The following CNTN4 variants were observed in gnomAD, a reference collection of about 807,000 sequenced individuals.
The protein encoded by CNTN4 is contactin 4.
CNTN4 carries 77 observed loss-of-function variants against 122.5 expected under a neutral mutation model. That is an observed-to-expected ratio of 0.63 (90% CI 0.52 to 0.76). The LOEUF is 0.76. CNTN4 is among the 30% of genes least tolerant of loss of function. The probability of loss-of-function intolerance (pLI) is 0.00; values close to 1 mark genes in which losing one functional copy is unlikely to be tolerated. For synonymous variants in CNTN4, 512 were observed against 447.0 expected (o/e 1.15, Z -1.83); for missense variants, 1,256 against 1,259.1 (o/e 1.00, Z 0.04).
chr3:2,968,252 A>C (rs1190182545), intron 13 of CNTN4, among the ~76,000 whole-genome samples: 1 of 152,208 alleles, frequency 6.6e-6, no homozygotes, highest in Non-Finnish European at 1.5e-5. Flanking sequence ...TCCCTCTTCA[A>C]AAGTAAGATA....
chr3:2,303,682 C>G (rs1444724453), intron 2 of CNTN4, among the ~76,000 whole-genome samples: 1 of 152,148 alleles, frequency 6.6e-6, no homozygotes, highest in Non-Finnish European at 1.5e-5. Context: ...TATAGCAGGT[C>G]TCTCATACCT....
chr3:2,816,769 C>T (rs1409539730), intron 6 of CNTN4, among the ~76,000 whole-genome samples: 3 of 139,822 alleles, frequency 2.1e-5, no homozygotes, highest in Non-Finnish European at 4.6e-5. Context: ...TGCAGTGAGC[C>T]GTGATCACAC....
intron 2 of CNTN4, among the ~76,000 whole-genome samples, chr3:2,159,843 A>G (rs2035882977): frequency 6.7e-6 from 1 of 150,148 alleles, no homozygotes; most frequent in African/African-American, 2.5e-5. Flanking sequence ...TTTTTTTAAC[A>G]TTTAGTTTAA....
At position 2,340,870 on chromosome 3, in the gene CNTN4, T is replaced by G. The variant is rs1464605267; in HGVS notation, c.-89+1637T>G. Among the ~76,000 whole-genome samples the G allele has an allele frequency of 3.3e-5, 5 of 151,774 alleles. No homozygotes were observed. The East Asian group carries it at 9.7e-4, about 29-fold the overall frequency. On this transcript the variant is annotated intron_variant, in intron 3 of 24. Transcript: ENST00000418658. The stretch of plus-strand genomic sequence containing the variant: ...AACTCAGTGGCTAAAAACAGTAACT[T>G]TATTATTTCCTATGAGTCTTTGGGA...
At chr3:2,157,195 A>T (rs1412464288) in intron 2 of CNTN4, among the ~76,000 whole-genome samples, 9 of 152,236 alleles carry the variant, frequency 5.9e-5, no homozygotes, top group African/African-American at 1.9e-4. Context: ...AAATAAGCAC[A>T]CATTAATATA....
chr3:2,596,709 G>A (rs948664304), intron 4 of CNTN4, among the ~76,000 whole-genome samples: 1 of 152,148 alleles, frequency 6.6e-6, no homozygotes, highest in Non-Finnish European at 1.5e-5. Context: ...ACTAGTGGAA[G>A]CAGGATTTGA....
At chr3:2,140,799 A>C (rs575914251) in intron 2 of CNTN4, among the ~76,000 whole-genome samples, 42 of 152,228 alleles carry the variant, frequency 2.8e-4, no homozygotes, top group Non-Finnish European at 4.9e-4. Flanking sequence ...CACTCAGAAA[A>C]ATTCTTCCTT....
chr3:2,141,980 G>C (rs1371172862), intron 2 of CNTN4, among the ~76,000 whole-genome samples: 2 of 152,126 alleles, frequency 1.3e-5, no homozygotes, highest in Non-Finnish European at 2.9e-5. Context: ...AAAGCTGCTG[G>C]TCATTAGACC....
chr3:2,921,549 ATAG>A (rs2094430194), intron 12 of CNTN4, among the ~76,000 whole-genome samples: 1 of 152,226 alleles, frequency 6.6e-6, no homozygotes, highest in African/African-American at 2.4e-5. Flanking sequence ...TGATGAGGTA[ATAG>A]TTAAAGAAAG....
chr3:3,017,707 C>T (rs1697893214), intron 14 of CNTN4, among the ~76,000 whole-genome samples: 3 of 152,176 alleles, frequency 2.0e-5, no homozygotes, highest in Admixed American at 2.0e-4. Flanking sequence ...TTTCACATAA[C>T]CTGATACAGG....
At chr3:2,249,132 T>C (rs201612601) in intron 2 of CNTN4, among the ~76,000 whole-genome samples, 1 of 65,818 alleles carries the variant, frequency 1.5e-5, no homozygotes, top group Non-Finnish European at 3.3e-5. Flanking sequence ...ATTTGTCAAT[T>C]AAAGAAAATA....
chr3:2,318,972 A>C (rs1334763001), intron 2 of CNTN4, among the ~76,000 whole-genome samples: 3 of 152,168 alleles, frequency 2.0e-5, no homozygotes, highest in Non-Finnish European at 4.4e-5. Flanking sequence ...GATGTGAGTC[A>C]CTGCACCTAG....
chr3:2,853,741 CG>C (rs1331829828), intron 7 of CNTN4, among the ~76,000 whole-genome samples: 1 of 152,138 alleles, frequency 6.6e-6, no homozygotes, highest in Admixed American at 6.5e-5. Context: ...TCTGTTTTGG[CG>C]TCTTGAAACC....
At chr3:2,831,546 G>A (rs1418531509) in intron 7 of CNTN4, among the ~76,000 whole-genome samples, 1 of 152,156 alleles carries the variant, frequency 6.6e-6, no homozygotes, top group East Asian at 1.9e-4. Context: ...ACTTTGTACC[G>A]AGCCAAGAGA....
intron 2 of CNTN4, among the ~76,000 whole-genome samples, chr3:2,259,569 G>A (rs1397637441): frequency 1.3e-5 from 2 of 152,192 alleles, no homozygotes; most frequent in Non-Finnish European, 1.5e-5. Flanking sequence ...AATCATGGCA[G>A]AAGGCAAAAG....
At chr3:2,862,836 T>C (rs1214580909) in intron 7 of CNTN4, among the ~76,000 whole-genome samples, 2 of 152,216 alleles carry the variant, frequency 1.3e-5, no homozygotes, top group Non-Finnish European at 2.9e-5. Flanking sequence ...TGTTTTGCTC[T>C]GATAAAAACA....
chr3:2,855,768 T>C (rs1201333428), intron 7 of CNTN4, among the ~76,000 whole-genome samples: 1 of 152,236 alleles, frequency 6.6e-6, no homozygotes, highest in Admixed American at 6.5e-5. Context: ...CTTTCCTTTC[T>C]GCCTTTACTG....
intron 3 of CNTN4, among the ~76,000 whole-genome samples, chr3:2,538,371 C>G (rs1559207284): frequency 6.6e-6 from 1 of 152,206 alleles, no homozygotes; most frequent in East Asian, 1.9e-4. Context: ...ATGGAGTAAA[C>G]TCTGGGATTA....
intron 3 of CNTN4, among the ~76,000 whole-genome samples, chr3:2,490,371 G>C (rs1408282138): frequency 6.6e-6 from 1 of 152,150 alleles, no homozygotes; most frequent in Non-Finnish European, 1.5e-5. Flanking sequence ...GCCTACCTAG[G>C]TTATCCAAGA....
Sources: gnomAD v4.1 joint callset for allele counts (sites outside exome capture counted in the v4.1 genomes callset) on GRCh38, gnomAD v4.1.1 for gene constraint, MANE v1.5 for transcripts, NCBI Gene and HGNC (gene_info 2026-07-23, HGNC 2026-07-21) for gene names.